USP10: variants seen among roughly 807,000 people sequenced by gnomAD.
The protein encoded by USP10 is ubiquitin specific peptidase 10.
Under a neutral mutation model 84.5 loss-of-function variants are expected in USP10, and 22 were observed. The observed-to-expected ratio is 0.26, with a 90% confidence interval of 0.19 to 0.37. The LOEUF (loss-of-function observed/expected upper bound fraction) is 0.37, where lower values mean the gene tolerates loss of function less well. Ranked by LOEUF, USP10 falls within the 10% of genes least tolerant of loss-of-function variation. The probability of loss-of-function intolerance (pLI) is 1.00; values close to 1 mark genes in which losing one functional copy is unlikely to be tolerated. For synonymous variants in USP10, 454 were observed against 387.6 expected, an observed-to-expected ratio of 1.17 and a Z score of -2.01; for missense variants, 1,019 against 998.9, an observed-to-expected ratio of 1.02 and a Z score of -0.27.
At chr16:84,740,110 G>GC (rs2076358359) in intron 2 of USP10, among the ~76,000 whole-genome samples, 199 bp from the exon 3 acceptor site, 1 of 152,140 alleles carries the variant, frequency 6.6e-6, no homozygotes, top group Admixed American at 6.5e-5. Context: ...ATATTTGAAA[G>GC]CATTTCTATT....
intron 10 of USP10, among the ~76,000 whole-genome samples, chr16:84,767,920 C>T (rs1914037877): frequency 6.6e-6 from 1 of 152,086 alleles, no homozygotes; most frequent in African/African-American, 2.4e-5. Context: ...GCAGAGGACC[C>T]TGCGGCCTTC....
rs557754455 is a variant in USP10 at position 84,737,163 on chromosome 16, C to T, written c.91-3146C>T. ...AGTCTTTGAGACGGAAAGCAGAACA[C>T]ACAGGTAGCCCAGAGGGAGACTTCA... is the stretch of plus-strand genomic sequence containing the variant. On this transcript the variant is annotated intron_variant, in intron 2 of 13. Transcript: ENST00000219473. Among the ~76,000 whole-genome samples, 3 of 152,306 alleles carry T rather than the reference C, an allele frequency of 2.0e-5. No homozygotes were observed. The East Asian group carries it at 5.8e-4, about 29-fold the overall frequency.
At chr16:84,719,377 C>T (rs1293544694) in intron 1 of USP10, among the ~76,000 whole-genome samples, 1 of 152,106 alleles carries the variant, frequency 6.6e-6, no homozygotes, top group Admixed American at 6.6e-5. Context: ...ACGGGAATGC[C>T]CCTACACAGT....
At chr16:84,748,583 C>T (rs775550288) in intron 4 of USP10, among the ~76,000 whole-genome samples, 4 of 152,150 alleles carry the variant, frequency 2.6e-5, no homozygotes, top group Non-Finnish European at 5.9e-5. Flanking sequence ...AGATTACAGG[C>T]GTGAGCCACC....
chr16:84,707,235 A>G (rs1324498804), intron 1 of USP10, among the ~76,000 whole-genome samples: 1 of 152,238 alleles, frequency 6.6e-6, no homozygotes, highest in Non-Finnish European at 1.5e-5. Flanking sequence ...TCCCCTTAGT[A>G]GTTCCTCCAT....
chr16:84,735,456 T>G (rs1332030029), intron 2 of USP10, among the ~76,000 whole-genome samples: 3 of 152,212 alleles, frequency 2.0e-5, no homozygotes, highest in African/African-American at 7.2e-5. Context: ...GCTTCAGTTC[T>G]GCCACTTCCA....
At chr16:84,733,240 A>T in intron 1 of USP10, 195 bp from the exon 2 acceptor site, 1 of 610,094 alleles carries the variant, frequency 1.6e-6, no homozygotes, top group South Asian at 1.8e-5. Flanking sequence ...GACAATTTGT[A>T]GGAAAGGTTC....
At chr16:84,713,402 A>C (rs759094932) in intron 1 of USP10, among the ~76,000 whole-genome samples, 13 of 151,590 alleles carry the variant, frequency 8.6e-5, no homozygotes, top group Non-Finnish European at 4.4e-5. Flanking sequence ...CCTCCTTCAC[A>C]CTTGTCACCC....
chr16:84,746,098 T>G (rs1911193760), intron 4 of USP10, among the ~76,000 whole-genome samples: 1 of 152,188 alleles, frequency 6.6e-6, no homozygotes, highest in African/African-American at 2.4e-5. Context: ...AACATGGTTT[T>G]TTTTTTTTGG....
At chr16:84,775,025 A>C in intron 12 of USP10, 135 bp from the exon 13 acceptor site, 2 of 733,068 alleles carry the variant, frequency 2.7e-6, no homozygotes, top group South Asian at 3.0e-5. Flanking sequence ...GTGCAACTGA[A>C]GGGATAGAGT....
At chr16:84,773,825 A>G (rs1380963564) in intron 12 of USP10, among the ~76,000 whole-genome samples, 5 of 152,216 alleles carry the variant, frequency 3.3e-5, no homozygotes, top group Admixed American at 6.5e-5. Context: ...CTGCTCCTGC[A>G]TCTTCACTCG....
rs1165373582 is a variant in USP10 at position 84,745,309 on chromosome 16, C to T, written c.828C>T (p.Thr276=). 8.7e-6 allele frequency: 14 copies of T among 1,612,900 alleles called. No individual in the cohort carries two copies. The highest frequency in any genetic ancestry group is 3.3e-5 in the Admixed American group (2 of 59,990). ...CTGGGGCTCAGCCCTGCGTTGGTACCGATACTACTGAAAACCTTGGAGTTG... is the reference window on the plus strand; with the variant it reads ...CTGGGGCTCAGCCCTGCGTTGGTACTGATACTACTGAAAACCTTGGAGTTG... ...RTAGAQPCVG[T]DTTENLGVAN... is the part of the protein sequence containing the mutation. The change falls in exon 4 of 14, where the codon ACC becomes ACT. Residue 276 remains threonine, a synonymous_variant. Coordinates refer to ENST00000219473, the MANE Select transcript of USP10 (RefSeq NM_005153.3).
At chr16:84,731,518 C>T (rs1567609072) in intron 1 of USP10, among the ~76,000 whole-genome samples, 1 of 151,980 alleles carries the variant, frequency 6.6e-6, no homozygotes, top group African/African-American at 2.4e-5. Context: ...TTCCTTTCCT[C>T]CCCCCAAGAA....
chr16:84,748,840 A>G (rs779808881), intron 4 of USP10, among the ~76,000 whole-genome samples: 21 of 152,222 alleles, frequency 1.4e-4, no homozygotes, highest in Non-Finnish European at 2.2e-4. Flanking sequence ...GGGCCTCTTA[A>G]TGACTGGTAG....
intron 1 of USP10, among the ~76,000 whole-genome samples, chr16:84,731,875 A>G (rs1038799677): frequency 3.3e-5 from 5 of 151,930 alleles, no homozygotes; most frequent in African/African-American, 1.2e-4. Context: ...TGAAATTCAT[A>G]TCATCTTTTC....
chr16:84,723,834 C>G (rs1037830459), intron 1 of USP10, among the ~76,000 whole-genome samples: 3 of 152,342 alleles, frequency 2.0e-5, no homozygotes, highest in Admixed American at 2.0e-4. Flanking sequence ...AATCAAGACA[C>G]CAGTTCTGTC....
chr16:84,721,822 C>T (rs747108897), intron 1 of USP10, among the ~76,000 whole-genome samples: 4 of 152,240 alleles, frequency 2.6e-5, no homozygotes, highest in Middle Eastern at 3.2e-3. Context: ...CTCAGCCTCT[C>T]GAGTAGCTGG....
At chr16:84,751,761 A>G (rs1911965723) in intron 4 of USP10, among the ~76,000 whole-genome samples, 1 of 152,200 alleles carries the variant, frequency 6.6e-6, no homozygotes, top group African/African-American at 2.4e-5. Context: ...GGTCAACAAC[A>G]CCAGAATGTC....
At chr16:84,770,504 G>A (rs187118793) in intron 11 of USP10, among the ~76,000 whole-genome samples, 1 of 152,186 alleles carries the variant, frequency 6.6e-6, no homozygotes. Context: ...TGGGCGAGGT[G>A]GCTCACACCT....
Sources: allele counts gnomAD v4.1 joint callset (sites outside exome capture counted in the v4.1 genomes callset), GRCh38; gene constraint gnomAD v4.1.1; transcripts MANE v1.5; gene names NCBI Gene and HGNC (gene_info 2026-07-23, HGNC 2026-07-21).